HS6ST3: variants seen among roughly 807,000 people sequenced by gnomAD.
HS6ST3 encodes the protein heparan-sulfate 6-O-sulfotransferase 3.
HS6ST3 carries 12 observed loss-of-function variants against 36.7 expected under a neutral mutation model. The observed-to-expected ratio is 0.33, with a 90% CI of 0.21 to 0.53. The LOEUF is 0.53. Ranked by LOEUF, HS6ST3 falls within the 20% of genes least tolerant of loss-of-function variation. The pLI, the probability that HS6ST3 is intolerant of heterozygous loss-of-function variation, is 0.95. For missense variants in HS6ST3, 584 were observed against 640.9 expected (o/e 0.91, Z 0.96); for synonymous variants, 240 against 257.5 (o/e 0.93, Z 0.65).
chr13:96,399,407 G>A (rs2055437924), intron 1 of HS6ST3, among the ~76,000 whole-genome samples: 1 of 152,098 alleles, frequency 6.6e-6, no homozygotes, highest in Non-Finnish European at 1.5e-5. Flanking sequence ...CTGTAACAGG[G>A]TTTAGATTAA....
intron 1 of HS6ST3, among the ~76,000 whole-genome samples, chr13:96,125,689 CTT>C (rs1255367186): frequency 2.7e-4 from 41 of 151,610 alleles, no homozygotes; most frequent in Middle Eastern, 3.4e-3. Context: ...ATAATTGACT[CTT>C]TTTTGTTATA....
Position 96,300,421 on chromosome 13 carries a change from G to A in HS6ST3, c.707+208852G>A, listed in dbSNP as rs2054876605. Reference sequence around the variant, plus strand: ...TCAATAGCAGGCAAACAGCAAGGGGGAAATTCATGGCTATGATCCAGTCGC... The same window carrying A: ...TCAATAGCAGGCAAACAGCAAGGGGAAAATTCATGGCTATGATCCAGTCGC... On this transcript the variant is annotated intron_variant, in intron 1 of 1. Coordinates refer to ENST00000376705, the MANE Select transcript of HS6ST3 (RefSeq NM_153456.4). Among the ~76,000 whole-genome samples the A allele has an allele frequency of 2.0e-5, 3 of 152,032 alleles. No individual in the cohort carries two copies. The South Asian group carries it at 6.2e-4, about 32-fold the overall frequency.
At chr13:96,474,154 C>T (rs2055852136) in intron 1 of HS6ST3, among the ~76,000 whole-genome samples, 1 of 151,836 alleles carries the variant, frequency 6.6e-6, no homozygotes, top group Non-Finnish European at 1.5e-5. Context: ...TTTTATGTAC[C>T]CCCCTCCTTC....
chr13:96,659,737 C>A (rs2056639750), intron 1 of HS6ST3, among the ~76,000 whole-genome samples: 1 of 151,964 alleles, frequency 6.6e-6, no homozygotes, highest in Non-Finnish European at 1.5e-5. Context: ...GCTCCAGAAC[C>A]ATTTATGGAA....
At chr13:96,543,716 A>G (rs1288592430) in intron 1 of HS6ST3, among the ~76,000 whole-genome samples, 1 of 152,114 alleles carries the variant, frequency 6.6e-6, no homozygotes, top group Non-Finnish European at 1.5e-5. Flanking sequence ...CTCTCTCCAA[A>G]TAACTCTCCA....
At chr13:96,276,263 C>T (rs2054748153) in intron 1 of HS6ST3, among the ~76,000 whole-genome samples, 1 of 152,148 alleles carries the variant, frequency 6.6e-6, no homozygotes, top group Admixed American at 6.6e-5. Flanking sequence ...TCCCTCCAGC[C>T]CTGTCTTCTG....
intron 1 of HS6ST3, among the ~76,000 whole-genome samples, chr13:96,707,803 T>G (rs1225559504): frequency 6.6e-6 from 1 of 152,232 alleles, no homozygotes; most frequent in Non-Finnish European, 1.5e-5. Context: ...GATTAGTTTA[T>G]TTCACTCTCC....
intron 1 of HS6ST3, among the ~76,000 whole-genome samples, chr13:96,749,644 T>G (rs900619445): frequency 3.9e-5 from 6 of 152,066 alleles, no homozygotes; most frequent in African/African-American, 1.2e-4. Flanking sequence ...CTTGTTTTTT[T>G]GGTGTTGACT....
chr13:96,488,399 A>G (rs1481596861), intron 1 of HS6ST3, among the ~76,000 whole-genome samples: 1 of 152,090 alleles, frequency 6.6e-6, no homozygotes, highest in Non-Finnish European at 1.5e-5. Flanking sequence ...GATACATACT[A>G]TAGTATGTTA....
At chr13:96,104,673 A>G (rs560220415) in intron 1 of HS6ST3, among the ~76,000 whole-genome samples, 2 of 152,308 alleles carry the variant, frequency 1.3e-5, no homozygotes, top group South Asian at 2.1e-4. Flanking sequence ...ACACCAGACA[A>G]CTGCCCCAGG....
intron 1 of HS6ST3, among the ~76,000 whole-genome samples, chr13:96,346,514 G>A (rs954684929): frequency 6.6e-6 from 1 of 151,616 alleles, no homozygotes; most frequent in Non-Finnish European, 1.5e-5. Flanking sequence ...GGCGGAGCTT[G>A]CAGTGAGCCG....
At chr13:96,326,885 A>T (rs1436304977) in intron 1 of HS6ST3, among the ~76,000 whole-genome samples, 4 of 150,252 alleles carry the variant, frequency 2.7e-5, no homozygotes, top group African/African-American at 9.8e-5. Context: ...CTGGTGTGAG[A>T]TGGTATCTCA....
intron 1 of HS6ST3, among the ~76,000 whole-genome samples, chr13:96,735,550 G>A (rs573577794): frequency 2.9e-3 from 443 of 152,262 alleles, no homozygotes; most frequent in South Asian, 7.9e-3. Context: ...AAAACAGAGT[G>A]CCATATCCTA....
intron 1 of HS6ST3, among the ~76,000 whole-genome samples, chr13:96,614,202 G>T (rs955891026): frequency 6.7e-6 from 1 of 150,234 alleles, no homozygotes; most frequent in Admixed American, 6.7e-5. Context: ...GGAGGCTGAG[G>T]CAGGAGAATG....
At chr13:96,266,543 C>T (rs1347400399) in intron 1 of HS6ST3, among the ~76,000 whole-genome samples, 3 of 152,124 alleles carry the variant, frequency 2.0e-5, no homozygotes, top group Non-Finnish European at 4.4e-5. Flanking sequence ...AAATTTTGCT[C>T]ATCTTTTTTT....
At chr13:96,210,938 T>C (rs984321531) in intron 1 of HS6ST3, among the ~76,000 whole-genome samples, 1 of 151,826 alleles carries the variant, frequency 6.6e-6, no homozygotes, top group Admixed American at 6.6e-5. Context: ...ATTATCTTTT[T>C]TTTTTTTCTT....
chr13:96,751,327 C>G (rs1876694725), intron 1 of HS6ST3, among the ~76,000 whole-genome samples: 1 of 151,960 alleles, frequency 6.6e-6, no homozygotes, highest in African/African-American at 2.4e-5. Flanking sequence ...CAGAAAGAAA[C>G]TAGAGAGACC....
At chr13:96,553,063 G>A (rs965749661) in intron 1 of HS6ST3, among the ~76,000 whole-genome samples, 2 of 152,180 alleles carry the variant, frequency 1.3e-5, no homozygotes, top group Non-Finnish European at 2.9e-5. Context: ...CCTCCCTGGG[G>A]TGTGGGACCT....
intron 1 of HS6ST3, among the ~76,000 whole-genome samples, chr13:96,477,245 G>C (rs2055868640): frequency 6.6e-6 from 1 of 152,164 alleles, no homozygotes; most frequent in South Asian, 2.1e-4. Flanking sequence ...TAAGCAATGT[G>C]CCTTTTGAGC....
Sources: gnomAD v4.1 joint callset for allele counts (sites outside exome capture counted in the v4.1 genomes callset) on GRCh38, gnomAD v4.1.1 for gene constraint, MANE v1.5 for transcripts, NCBI Gene and HGNC (gene_info 2026-07-23, HGNC 2026-07-21) for gene names.